The following DAAM1 variants were observed in gnomAD, a reference collection of about 807,000 sequenced individuals.
DAAM1 encodes the protein dishevelled associated activator of morphogenesis 1.
A neutral mutation model predicts 130.0 loss-of-function variants in DAAM1; 52 were observed. That is an observed-to-expected ratio of 0.40 (90% confidence interval 0.32 to 0.50). The LOEUF is 0.50. Among genes scored for constraint, DAAM1 ranks in the 20% least tolerant of loss-of-function variants. The probability of loss-of-function intolerance (pLI) is 0.61; values close to 1 mark genes in which losing one functional copy is unlikely to be tolerated. For synonymous variants in DAAM1, 452 were observed against 444.5 expected (o/e 1.02, Z -0.21); for missense variants, 1,134 against 1,303.8 (o/e 0.87, Z 2.01).
At chr14:59,357,662 C>T (rs919816342) in intron 20 of DAAM1, among the ~76,000 whole-genome samples, 2 of 152,152 alleles carry the variant, frequency 1.3e-5, no homozygotes, top group Non-Finnish European at 2.9e-5. Flanking sequence ...CTTGTAGTCC[C>T]AGCTACTCAG....
At chr14:59,198,957 C>CAGT (rs1888006406) in intron 1 of DAAM1, among the ~76,000 whole-genome samples, 1 of 152,212 alleles carries the variant, frequency 6.6e-6, no homozygotes, top group Non-Finnish European at 1.5e-5. Context: ...TTTGGGAAGA[C>CAGT]AGTATCCTCT....
intron 1 of DAAM1, among the ~76,000 whole-genome samples, chr14:59,240,725 G>A (rs555478008): frequency 4.3e-4 from 65 of 152,316 alleles, no homozygotes; most frequent in Middle Eastern, 6.8e-3. Context: ...TCTCATCTGC[G>A]GCATCCAGCC....
At chr14:59,358,061 G>C (rs1308128459) in intron 20 of DAAM1, among the ~76,000 whole-genome samples, 2 of 152,152 alleles carry the variant, frequency 1.3e-5, no homozygotes, top group Non-Finnish European at 2.9e-5. Flanking sequence ...GTTTTTTAAA[G>C]GAATGTATTT....
intron 2 of DAAM1, among the ~76,000 whole-genome samples, chr14:59,280,071 A>G (rs117693954): frequency 6.6e-6 from 1 of 152,148 alleles, no homozygotes; most frequent in Non-Finnish European, 1.5e-5. Context: ...GCTAAAATTT[A>G]AAAAAACAGC....
At chr14:59,337,235 GA>G (rs1252784147) in intron 15 of DAAM1, among the ~76,000 whole-genome samples, 5 of 152,202 alleles carry the variant, frequency 3.3e-5, no homozygotes, top group Non-Finnish European at 7.3e-5. Context: ...GCTTTTACAG[GA>G]AGAGTCCTAA....
At position 59,247,990 on chromosome 14, in the gene DAAM1, G is replaced by A. The variant is rs1018637099; in HGVS notation, c.-37-15451G>A. On this transcript the variant is annotated intron_variant, in intron 1 of 24. Coordinates refer to ENST00000360909, the MANE Select transcript of DAAM1 (RefSeq NM_001270520.2). ...AGCAGTACTGTATTGAAAGCTTCCCGTATTTAGCCACTGATGACTTTTGCC... is the reference window on the plus strand; with the variant it reads ...AGCAGTACTGTATTGAAAGCTTCCCATATTTAGCCACTGATGACTTTTGCC... Among the ~76,000 whole-genome samples, 11 of 152,210 alleles carry A rather than the reference G, an allele frequency of 7.2e-5. No homozygotes were observed. The East Asian group carries it at 1.5e-3, about 21-fold the overall frequency.
intron 15 of DAAM1, chr14:59,338,261 TA>T: frequency 1.0e-6 from 1 of 958,068 alleles, no homozygotes. Flanking sequence ...CCCAGGGGCA[TA>T]AATCATCTCT....
intron 1 of DAAM1, among the ~76,000 whole-genome samples, chr14:59,213,202 G>A (rs912148031): frequency 6.6e-6 from 1 of 151,916 alleles, no homozygotes; most frequent in Non-Finnish European, 1.5e-5. Context: ...GTGCCGTGGA[G>A]TCCCAGGATT....
intron 20 of DAAM1, among the ~76,000 whole-genome samples, 155 bp downstream of exon 20, chr14:59,355,488 C>T (rs1219556722): frequency 6.6e-6 from 1 of 152,172 alleles, no homozygotes; most frequent in African/African-American, 2.4e-5. Context: ...GACATTGACT[C>T]TTCTCTAAAC....
chr14:59,248,989 G>C (rs375355512), intron 1 of DAAM1, among the ~76,000 whole-genome samples: 6 of 152,094 alleles, frequency 3.9e-5, no homozygotes, highest in African/African-American at 1.4e-4. Context: ...GGGTTTCACC[G>C]TGTTAGCCAG....
intron 1 of DAAM1, among the ~76,000 whole-genome samples, chr14:59,254,209 T>C (rs1342233582): frequency 2.0e-5 from 3 of 152,096 alleles, no homozygotes; most frequent in African/African-American, 7.2e-5. Context: ...AGGACCAGAG[T>C]GTGTAGAGTA....
chr14:59,224,860 T>C (rs1434024710), intron 1 of DAAM1, among the ~76,000 whole-genome samples: 1 of 152,148 alleles, frequency 6.6e-6, no homozygotes, highest in Non-Finnish European at 1.5e-5. Flanking sequence ...GGGATTAGTG[T>C]ACTTCCTTGC....
chr14:59,284,852 GA>G lies in DAAM1; in HGVS notation c.184-6361del, dbSNP rs1345812228. On this transcript the variant is annotated intron_variant, in intron 2 of 24. Coordinates refer to ENST00000360909, the MANE Select transcript of DAAM1 (RefSeq NM_001270520.2). ...CCTGTATTTATTGGCATTTCAGAAA[GA>G]AAAGAGAGATCAAGCAACTTGGAAA... Among the ~76,000 whole-genome samples, 3 of 152,222 alleles carry G rather than the reference GA, an allele frequency of 2.0e-5. No individual in the cohort carries two copies. In the East Asian group the frequency reaches 5.8e-4, roughly 29 times the overall value.
chr14:59,329,870 A>G (rs574215936), intron 12 of DAAM1, among the ~76,000 whole-genome samples: 2 of 152,320 alleles, frequency 1.3e-5, no homozygotes, highest in Admixed American at 6.5e-5. Flanking sequence ...GATATTTAAT[A>G]CTGAGATGAT....
chr14:59,345,072 G>A lies in DAAM1; in HGVS notation c.2076-2467G>A, dbSNP rs572737277. 1.1e-4 allele frequency among the ~76,000 whole-genome samples: 16 copies of A among 152,216 alleles called. No homozygotes were observed. In the South Asian group the frequency reaches 3.1e-3, roughly 30 times the overall value. On this transcript the variant is annotated intron_variant, in intron 16 of 24. Coordinates refer to ENST00000360909, the MANE Select transcript of DAAM1 (RefSeq NM_001270520.2). Reference sequence around the variant, plus strand: ...TGTTACTGTTCCTTGGCCTTGCATGGCCACACAATGGTGTTTGGACTTAAA... The same window carrying A: ...TGTTACTGTTCCTTGGCCTTGCATGACCACACAATGGTGTTTGGACTTAAA...
chr14:59,213,136 A>G (rs1888478053), intron 1 of DAAM1, among the ~76,000 whole-genome samples: 1 of 151,896 alleles, frequency 6.6e-6, no homozygotes, highest in African/African-American at 2.4e-5. Flanking sequence ...GTATTTTACT[A>G]AAAGTGGAAT....
At chr14:59,223,460 G>A (rs1477374530) in intron 1 of DAAM1, among the ~76,000 whole-genome samples, 1 of 152,198 alleles carries the variant, frequency 6.6e-6, no homozygotes, top group Non-Finnish European at 1.5e-5. Flanking sequence ...CTAAAAGCCG[G>A]TGCTGCAATT....
intron 12 of DAAM1, among the ~76,000 whole-genome samples, chr14:59,327,194 C>T (rs1885237056): frequency 6.6e-6 from 1 of 151,916 alleles, no homozygotes. Context: ...ATATTTTATC[C>T]TTTTATTATA....
In DAAM1 at chr14:59,210,528, G is replaced by A. The variant is rs191203659; in HGVS notation, c.-38+21760G>A. Among the ~76,000 whole-genome samples the A allele has an allele frequency of 2.0e-4, 30 of 152,250 alleles. No homozygotes were observed. The East Asian group carries it at 3.9e-3, about 20-fold the overall frequency. ...TTAAACCCTTTGGAAGGAAACTTAC[G>A]ATATCTCCAGGTACATTTTAAATGA... On this transcript the variant is annotated intron_variant, in intron 1 of 24. Transcript: ENST00000360909.
Sources: gnomAD v4.1 joint callset for allele counts (sites outside exome capture counted in the v4.1 genomes callset) on GRCh38, gnomAD v4.1.1 for gene constraint, MANE v1.5 for transcripts, NCBI Gene and HGNC (gene_info 2026-07-23, HGNC 2026-07-21) for gene names.